Variants in CCDC60 observed in about 807,000 individuals in gnomAD.
CCDC60 encodes the protein coiled-coil domain-containing protein 60.
A neutral mutation model predicts 63.5 loss-of-function variants in CCDC60; 54 were observed. The ratio of observed to expected loss-of-function variants is 0.85; its 90% CI spans 0.68 to 1.07. The LOEUF (loss-of-function observed/expected upper bound fraction) is 1.07, where lower values mean the gene tolerates loss of function less well. CCDC60 is among the 50% of genes least tolerant of loss of function. The probability of loss-of-function intolerance (pLI) is 0.00; values close to 1 mark genes in which losing one functional copy is unlikely to be tolerated. For synonymous variants in CCDC60, 206 were observed against 238.8 expected (o/e 0.86, Z 1.27); for missense variants, 651 against 684.3 (o/e 0.95, Z 0.54).
At chr12:119,540,260 C>T (rs901593841) in intron 13 of CCDC60, among the ~76,000 whole-genome samples, 5 of 152,168 alleles carry the variant, frequency 3.3e-5, no homozygotes, top group Admixed American at 2.6e-4. Context: ...AATTCTGAAA[C>T]GGATTTACAA....
At chr12:119,439,858 G>T (rs183429205) in intron 2 of CCDC60, among the ~76,000 whole-genome samples, 1 of 152,278 alleles carries the variant, frequency 6.6e-6, no homozygotes, top group Non-Finnish European at 1.5e-5. Flanking sequence ...TCCATTTCTG[G>T]CCATATAGCC....
chr12:119,453,106 C>T (rs61938111), intron 2 of CCDC60, among the ~76,000 whole-genome samples: 33,632 of 152,122 alleles, frequency 0.22, 3,711 homozygotes, highest in Admixed American at 0.28. Flanking sequence ...GGATTACAGG[C>T]GTGAGCCACC....
intron 11 of CCDC60, among the ~76,000 whole-genome samples, chr12:119,526,311 T>G (rs1952675326): frequency 1.3e-5 from 2 of 152,204 alleles, no homozygotes. Context: ...ATAAAATCCC[T>G]GGAAGACAAC....
At chr12:119,399,112 T>C (rs1481312966) in intron 1 of CCDC60, among the ~76,000 whole-genome samples, 2 of 152,088 alleles carry the variant, frequency 1.3e-5, no homozygotes, top group Non-Finnish European at 2.9e-5. Flanking sequence ...AAATATAGGA[T>C]GAAGGGCAGT....
Position 119,531,073 on chromosome 12 carries a change from A to C in CCDC60, c.1551+10A>C, listed in dbSNP as rs770772994. ...CGCTGTGGCTATTGAGGTAAACACC[A>C]CCTCCTTCCCCTCCACAGTGTTTCA... On this transcript the variant is annotated intron_variant, in intron 13 of 13. Coordinates refer to ENST00000327554, the MANE Select transcript of CCDC60 (RefSeq NM_178499.5). The C allele has an allele frequency of 6.2e-7, 1 of 1,609,458 alleles. No homozygotes were observed. Among genetic ancestry groups the C allele is most frequent in the South Asian group, 1.1e-5 (1 of 90,640 alleles).
At chr12:119,405,543 T>G (rs1033683928) in intron 1 of CCDC60, among the ~76,000 whole-genome samples, 1 of 152,146 alleles carries the variant, frequency 6.6e-6, no homozygotes, top group Admixed American at 6.5e-5. Context: ...ATGTAAAACA[T>G]TCTCAGATTT....
At position 119,346,442 on chromosome 12, in the gene CCDC60, C is replaced by T. The variant is rs151175701; in HGVS notation, c.90+11176C>T. On this transcript the variant is annotated intron_variant, in intron 1 of 13. Coordinates refer to ENST00000327554, the MANE Select transcript of CCDC60 (RefSeq NM_178499.5). ...CAGGTGATGGAGTTAGGATTTGAAT[C>T]CAGAACCAAGTAACTACAGAAAGCC... Among the ~76,000 whole-genome samples the T allele has an allele frequency of 4.7e-4, 71 of 152,210 alleles. No individual in the cohort carries two copies. The East Asian group carries it at 0.012, about 26-fold the overall frequency.
intron 1 of CCDC60, among the ~76,000 whole-genome samples, chr12:119,361,448 T>C (rs1955790113): frequency 6.6e-6 from 1 of 152,144 alleles, no homozygotes; most frequent in Admixed American, 6.5e-5. Flanking sequence ...AGGCAAGAGC[T>C]CTTTATTGAG....
In CCDC60 at chr12:119,456,056, A is replaced by C. The variant is rs56355508; in HGVS notation, c.171-15938A>C. ...GAAAGAAAGAAAGAAAGAAAGAAAG[A>C]AAGAAAGCAAGCAAGCATGTGCAAT... On this transcript the variant is annotated intron_variant, in intron 2 of 13. Transcript: ENST00000327554. This position sits in a 1 kb window ranked among gnomAD's most constrained non-coding sequence, Gnocchi z 4.6. 0.086 allele frequency among the ~76,000 whole-genome samples: 8,311 copies of C among 96,792 alleles called. 442 individuals are homozygous for C. The highest frequency in any genetic ancestry group is 0.12 in the Non-Finnish European group (5,552 of 47,672). The allele number at this position is 96,792 out of a possible 152,430, so 63.5% of individuals were successfully genotyped here.
chr12:119,340,529 C>A (rs12314123), intron 1 of CCDC60, among the ~76,000 whole-genome samples: 16,621 of 152,014 alleles, frequency 0.11, 1,106 homozygotes, highest in Middle Eastern at 0.19. Flanking sequence ...GCCGCCCCAC[C>A]CCCTGCCCCC....
chr12:119,505,442 G>T, intron 7 of CCDC60, 139 bp downstream of exon 7: 1 of 620,220 alleles, frequency 1.6e-6, no homozygotes, highest in Non-Finnish European at 2.8e-6. Context: ...CAATTTCCTT[G>T]GACCTCTTTG....
chr12:119,529,961 T>C (rs1205292110), intron 12 of CCDC60, among the ~76,000 whole-genome samples: 1 of 152,134 alleles, frequency 6.6e-6, no homozygotes, highest in Non-Finnish European at 1.5e-5. Context: ...AACCACAGCG[T>C]CGTAAGGATG....
intron 13 of CCDC60, among the ~76,000 whole-genome samples, chr12:119,534,175 G>A (rs1952936218): frequency 6.6e-6 from 1 of 152,056 alleles, no homozygotes; most frequent in Admixed American, 6.6e-5. Context: ...TATTCTCTTT[G>A]TAGCAATTGT....
Position 119,505,146 on chromosome 12 carries a change from T to C in CCDC60, c.726T>C (p.Ser242=). The change falls in exon 7 of 14, where the codon AGT becomes AGC. Residue 242 remains serine, a synonymous_variant. Coordinates refer to ENST00000327554, the MANE Select transcript of CCDC60 (RefSeq NM_178499.5). ...PSRRGSTLSL[S]RASGGSSPQS... ...GGCGAGGCTCCACACTCAGTCTGAGTCGGGCCAGTGGGGGGTCCTCTCCCC... is the reference window on the plus strand; with the variant it reads ...GGCGAGGCTCCACACTCAGTCTGAGCCGGGCCAGTGGGGGGTCCTCTCCCC... The C allele has an allele frequency of 6.2e-7, 1 of 1,613,846 alleles. No homozygotes were observed. The highest frequency in any genetic ancestry group is 8.5e-7 in the Non-Finnish European group (1 of 1,179,924).
At chr12:119,357,540 C>T (rs1447168952) in intron 1 of CCDC60, among the ~76,000 whole-genome samples, 5 of 151,980 alleles carry the variant, frequency 3.3e-5, no homozygotes, top group Admixed American at 6.6e-5. Context: ...CCGCAACCTC[C>T]GCCTCTCAAG....
chr12:119,534,599 T>C (rs543671445), intron 13 of CCDC60, among the ~76,000 whole-genome samples: 154 of 152,282 alleles, frequency 1.0e-3, no homozygotes, highest in Non-Finnish European at 1.9e-3. Flanking sequence ...CATCAATACA[T>C]AGTTTATTGA....
At chr12:119,423,971 A>G (rs879592982) in intron 1 of CCDC60, among the ~76,000 whole-genome samples, 1 of 152,230 alleles carries the variant, frequency 6.6e-6, no homozygotes, top group Non-Finnish European at 1.5e-5. Flanking sequence ...CTTTACAAAC[A>G]TGAAAAACGC....
chr12:119,494,819 A>G (rs1951683103), intron 5 of CCDC60, among the ~76,000 whole-genome samples: 1 of 152,174 alleles, frequency 6.6e-6, no homozygotes, highest in Non-Finnish European at 1.5e-5. Context: ...CATCTCTACT[A>G]AAAATACAAA....
intron 1 of CCDC60, among the ~76,000 whole-genome samples, chr12:119,373,059 T>C (rs902960318): frequency 3.9e-5 from 6 of 152,058 alleles, no homozygotes; most frequent in African/African-American, 1.4e-4. Context: ...AAGTTTGAAT[T>C]TTGGAAAACG....
Sources: gnomAD v4.1 joint callset for allele counts (sites outside exome capture counted in the v4.1 genomes callset) on GRCh38, gnomAD v4.1.1 for gene constraint, Gnocchi (gnomAD v3.1) non-coding constraint, MANE v1.5 for transcripts, NCBI Gene and HGNC (gene_info 2026-07-23, HGNC 2026-07-21) for gene names.